ANK1: variants seen among roughly 807,000 people sequenced by gnomAD.
ANK1 encodes ankyrin-1.
Under a neutral mutation model 210.4 loss-of-function variants are expected in ANK1, and 51 were observed. The ratio of observed to expected loss-of-function variants is 0.24; its 90% confidence interval spans 0.19 to 0.31. The LOEUF is 0.31. Among genes scored for constraint, ANK1 ranks in the 10% least tolerant of loss-of-function variants. The probability of loss-of-function intolerance (pLI) is 1.00; values close to 1 mark genes in which losing one functional copy is unlikely to be tolerated. For missense variants in ANK1, 2,051 were observed against 2,504.4 expected (o/e 0.82, Z 3.86); for synonymous variants, 967 against 1,025.9 (o/e 0.94, Z 1.10).
chr8:41,705,695 C>G (rs1334086372), intron 18 of ANK1, among the ~76,000 whole-genome samples: 1 of 152,216 alleles, frequency 6.6e-6, no homozygotes, highest in Non-Finnish European at 1.5e-5. Context: ...CTTCCTGTCC[C>G]TAGCAATCAC....
chr8:41,804,344 T>C (rs1850609335), intron 1 of ANK1, among the ~76,000 whole-genome samples: 1 of 152,200 alleles, frequency 6.6e-6, no homozygotes, highest in Admixed American at 6.5e-5. Flanking sequence ...AGTCTAGACA[T>C]CACATATCAT....
intron 20 of ANK1, among the ~76,000 whole-genome samples, chr8:41,703,106 C>T (rs570208279): frequency 3.9e-5 from 6 of 152,170 alleles, no homozygotes; most frequent in East Asian, 1.9e-4. Flanking sequence ...GCTGGGATTA[C>T]AGGCATGAGC....
Position 41,703,422 on chromosome 8 carries a change from GTATATATATATATATATA to G in ANK1, c.2295+601_2295+618del, listed in dbSNP as rs57077078. ...TATATGTGTGTGTGTGTGTGTGTGT[GTATATATATATATATATA>G]TATATATATATTTTTTTTTTTTTTT... On this transcript the variant is annotated intron_variant, in intron 20 of 42. Transcript: ENST00000289734. Among the ~76,000 whole-genome samples the G allele has an allele frequency of 2.6e-4, 14 of 53,766 alleles. No individual in the cohort carries two copies. The East Asian group carries it at 4.6e-3, about 18-fold the overall frequency. The allele number at this position is 53,766 out of a possible 152,430, so 35.3% of individuals were successfully genotyped here.
At chr8:41,700,183 C>T (rs1048930255) in intron 22 of ANK1, among the ~76,000 whole-genome samples, 1 of 152,220 alleles carries the variant, frequency 6.6e-6, no homozygotes, top group Non-Finnish European at 1.5e-5. Flanking sequence ...GGAAGAACAA[C>T]AGCTCATGCG....
chr8:41,805,684 G>A (rs1850867053), intron 1 of ANK1, among the ~76,000 whole-genome samples: 1 of 152,070 alleles, frequency 6.6e-6, no homozygotes, highest in African/African-American at 2.4e-5. Context: ...CATTAATACA[G>A]ACAACATATT....
At chr8:41,819,128 T>C (rs1159661878) in intron 1 of ANK1, among the ~76,000 whole-genome samples, 1 of 152,240 alleles carries the variant, frequency 6.6e-6, no homozygotes, top group Non-Finnish European at 1.5e-5. Flanking sequence ...AGCAACCCTC[T>C]TCTGGGTCCC....
chr8:41,887,282 T>G lies in ANK1; in HGVS notation c.126+9073A>C, dbSNP rs147264090. Among the ~76,000 whole-genome samples the G allele has an allele frequency of 8.6e-3, 1,215 of 141,720 alleles. 20 individuals are homozygous for G. The highest frequency in any genetic ancestry group is 0.031 in the African/African-American group (1,147 of 36,520). 93.0% of individuals were successfully genotyped at this position (141,720 alleles called of 152,430 possible). A position where few individuals can be genotyped will look rare whatever the true frequency, so the allele number is the denominator to read the frequency against. ...TTTTTTTTTAGAGACAGAGTCTCAT[T>G]CTGTCACCCAAGCTGGAGTGCTGTG... is the stretch of plus-strand genomic sequence containing the variant. On this transcript the variant is annotated intron_variant, in intron 1 of 42. Transcript: ENST00000265709.
chr8:41,685,993 C>A (rs1342989047), intron 36 of ANK1, among the ~76,000 whole-genome samples, 159 bp downstream of exon 36: 1 of 152,186 alleles, frequency 6.6e-6, no homozygotes, highest in African/African-American at 2.4e-5. Context: ...GGCAGGACTG[C>A]CTGGAAGACC....
chr8:41,780,918 G>A (rs1845179786), intron 1 of ANK1, among the ~76,000 whole-genome samples: 1 of 152,068 alleles, frequency 6.6e-6, no homozygotes, highest in Non-Finnish European at 1.5e-5. Flanking sequence ...GACAGGGTTG[G>A]GGGAGAGGAT....
Position 41,692,744 on chromosome 8 carries a change from C to T in ANK1, c.3762G>A (p.Gly1254=), listed in dbSNP as rs1380578454. ...IFAKMNDPRE[G]RLRCYCMTDD... ...CTGTCATGCAGTAGCAGCGCAGGCG[C>T]CCCTCTCGGGGGTCATTCATCTTGG... is the stretch of plus-strand genomic sequence containing the variant. The change falls in exon 31 of 43, where the codon GGG becomes GGA. Residue 1254 remains glycine (G), a synonymous_variant. Transcript: ENST00000289734. 1.2e-6 allele frequency: 2 copies of T among 1,613,998 alleles called. No individual in the cohort carries two copies. The highest frequency in any genetic ancestry group is 2.7e-5 in the African/African-American group (2 of 74,896).
At chr8:41,846,134 A>G (rs1206521109) in intron 1 of ANK1, among the ~76,000 whole-genome samples, 3 of 152,204 alleles carry the variant, frequency 2.0e-5, no homozygotes, top group Non-Finnish European at 4.4e-5. Flanking sequence ...CTATGATTGG[A>G]CAAACAAGAC....
chr8:41,765,510 A>C (rs1841578041), intron 1 of ANK1, among the ~76,000 whole-genome samples: 1 of 151,970 alleles, frequency 6.6e-6, no homozygotes, highest in Non-Finnish European at 1.5e-5. Context: ...ACCTCCCAAA[A>C]TGCTGGGATT....
At chr8:41,778,247 C>A (rs1267204809) in intron 1 of ANK1, among the ~76,000 whole-genome samples, 1 of 152,106 alleles carries the variant, frequency 6.6e-6, no homozygotes, top group Non-Finnish European at 1.5e-5. Context: ...AAAAATAGGA[C>A]AATAAAAGGG....
chr8:41,671,230 G>A (rs1299458014), intron 38 of ANK1, among the ~76,000 whole-genome samples: 1 of 152,174 alleles, frequency 6.6e-6, no homozygotes, highest in Non-Finnish European at 1.5e-5. Flanking sequence ...ACAGCTGAAA[G>A]CTCCGTCCTG....
At chr8:41,714,440 G>A (rs1412443327) in intron 15 of ANK1, among the ~76,000 whole-genome samples, 186 bp from the exon 16 acceptor site, 1 of 152,180 alleles carries the variant, frequency 6.6e-6, no homozygotes, top group African/African-American at 2.4e-5. Context: ...TGGGAACAGG[G>A]GGGAACGTGG....
intron 1 of ANK1, among the ~76,000 whole-genome samples, chr8:41,782,450 C>T (rs1563756269): frequency 6.6e-6 from 1 of 152,166 alleles, no homozygotes; most frequent in East Asian, 1.9e-4. Context: ...CAGCAAGCCA[C>T]TGAACCATTC....
At chr8:41,749,022 A>G (rs369428669) in intron 2 of ANK1, among the ~76,000 whole-genome samples, 254 of 147,628 alleles carry the variant, frequency 1.7e-3, no homozygotes, top group African/African-American at 5.9e-3. Context: ...GCGACAGAGC[A>G]AGACTCCATC....
rs748000841 is a variant in ANK1, at chr8:41,797,572, T to C, written c.-34A>G. 3.7e-6 allele frequency: 6 copies of C among 1,612,360 alleles called. No homozygotes were observed. Among genetic ancestry groups the C allele is most frequent in the Admixed American group, 1.7e-5 (1 of 59,932 alleles). ...TTCAGCAGGGGCCCGCCGAAGGGCC[T>C]TGGGGGCTTGAGGAGGAGCAGCTGG... On this transcript the variant is annotated 5_prime_UTR_variant, in exon 1 of 43. Transcript: ENST00000289734. This position sits in a 1 kb window ranked among gnomAD's most constrained non-coding sequence, Gnocchi z 4.0.
chr8:41,700,264 T>C (rs1030242179), intron 22 of ANK1, among the ~76,000 whole-genome samples: 4 of 152,230 alleles, frequency 2.6e-5, no homozygotes, highest in African/African-American at 9.6e-5. Context: ...CCGCCAGGCA[T>C]GGGTCTCATG....
Sources: allele counts gnomAD v4.1 joint callset (sites outside exome capture counted in the v4.1 genomes callset), GRCh38; gene constraint gnomAD v4.1.1; non-coding constraint Gnocchi (gnomAD v3.1); transcripts MANE v1.5; gene names NCBI Gene and HGNC (gene_info 2026-07-23, HGNC 2026-07-21).